The following CACHD1 variants were observed in gnomAD, a reference collection of about 807,000 sequenced individuals.
CACHD1 encodes cache domain containing 1.
In CACHD1, 71 loss-of-function variants were observed where a neutral mutation model predicts 138.7. The ratio of observed to expected loss-of-function variants is 0.51; its 90% CI spans 0.42 to 0.62. The LOEUF (loss-of-function observed/expected upper bound fraction) is 0.62, where lower values mean the gene tolerates loss of function less well. Among genes scored for constraint, CACHD1 ranks in the 20% least tolerant of loss-of-function variants. CACHD1 has a pLI of 0.00. For missense variants in CACHD1, 1,389 were observed against 1,625.3 expected, an observed-to-expected ratio of 0.85 and a Z score of 2.50; for synonymous variants, 578 against 591.5, an observed-to-expected ratio of 0.98 and a Z score of 0.33.
intron 1 of CACHD1, among the ~76,000 whole-genome samples, chr1:64,522,415 C>A (rs1461851432): frequency 6.6e-6 from 1 of 152,000 alleles, no homozygotes; most frequent in African/African-American, 2.4e-5. Context: ...TCAAGCAATT[C>A]TCCTGCCTCA....
intron 7 of CACHD1, among the ~76,000 whole-genome samples, chr1:64,641,079 CT>C (rs1391431346): frequency 6.6e-6 from 1 of 151,494 alleles, no homozygotes; most frequent in Non-Finnish European, 1.5e-5. Flanking sequence ...TCTCTTTTAC[CT>C]TCTTTTTTTA....
chr1:64,684,626 G>C (rs952886708), intron 26 of CACHD1, among the ~76,000 whole-genome samples: 1 of 151,988 alleles, frequency 6.6e-6, no homozygotes, highest in Non-Finnish European at 1.5e-5. Context: ...AAAGAAAAAA[G>C]TTTAATAAAT....
At chr1:64,645,232 TTAGA>T (rs1419358854) in intron 8 of CACHD1, among the ~76,000 whole-genome samples, 4 of 152,150 alleles carry the variant, frequency 2.6e-5, no homozygotes, top group South Asian at 2.1e-4. Context: ...AAAAATATAG[TTAGA>T]TAGAAGGAAT....
intron 26 of CACHD1, among the ~76,000 whole-genome samples, chr1:64,682,566 C>T (rs1305975468): frequency 2.6e-5 from 4 of 152,072 alleles, no homozygotes; most frequent in Non-Finnish European, 5.9e-5. Flanking sequence ...TTGCACTGAG[C>T]CTTGAGGGGG....
At chr1:64,617,817 G>A (rs1352656208) in intron 4 of CACHD1, among the ~76,000 whole-genome samples, 1 of 152,216 alleles carries the variant, frequency 6.6e-6, no homozygotes, top group Non-Finnish European at 1.5e-5. Context: ...AGTGGCTCAT[G>A]CCTGTAATCC....
chr1:64,511,412 A>G (rs1646419787), intron 1 of CACHD1, among the ~76,000 whole-genome samples: 1 of 152,216 alleles, frequency 6.6e-6, no homozygotes, highest in African/African-American at 2.4e-5. Flanking sequence ...AAGAAGTGGA[A>G]GAAAGACCAG....
At chr1:64,568,125 T>A (rs1004340806) in intron 2 of CACHD1, among the ~76,000 whole-genome samples, 3 of 152,222 alleles carry the variant, frequency 2.0e-5, no homozygotes, top group African/African-American at 7.2e-5. Flanking sequence ...TGGTTATAAT[T>A]TGTATCCTCA....
At chr1:64,518,290 CT>C (rs34268687) in intron 1 of CACHD1, among the ~76,000 whole-genome samples, 104,415 of 149,158 alleles carry the variant, frequency 0.7, 40,347 homozygotes, top group Non-Finnish European at 0.85. Context: ...AAATCAATGA[CT>C]TTTTTTTTTT....
chr1:64,676,829 AC>A (rs1650008005), intron 21 of CACHD1, 65 bp from the exon 22 acceptor site: 1 of 1,292,768 alleles, frequency 7.7e-7, no homozygotes, highest in Non-Finnish European at 1.1e-6. Flanking sequence ...GCTGTTAAGG[AC>A]CAGGAGCATG....
chr1:64,534,159 T>G (rs879816770), intron 1 of CACHD1, among the ~76,000 whole-genome samples: 12 of 151,604 alleles, frequency 7.9e-5, no homozygotes, highest in African/African-American at 1.2e-4. Context: ...TTCTTCTGCC[T>G]CAGCCTCTGG....
At chr1:64,676,613 G>A (rs1650001202) in intron 21 of CACHD1, among the ~76,000 whole-genome samples, 1 of 152,108 alleles carries the variant, frequency 6.6e-6, no homozygotes. Context: ...TGGGACTGCA[G>A]GCATGTGATT....
chr1:64,682,675 G>T (rs949064930), intron 26 of CACHD1, among the ~76,000 whole-genome samples: 1 of 152,176 alleles, frequency 6.6e-6, no homozygotes, highest in Non-Finnish European at 1.5e-5. Context: ...TGCTCAGGAA[G>T]GGTCAAGGCC....
chr1:64,573,534 T>A (rs1646942854), intron 2 of CACHD1, among the ~76,000 whole-genome samples: 1 of 152,214 alleles, frequency 6.6e-6, no homozygotes, highest in African/African-American at 2.4e-5. Flanking sequence ...GATAGGGAAC[T>A]GGAGAGGCCC....
At chr1:64,578,906 G>A (rs994486851) in intron 2 of CACHD1, among the ~76,000 whole-genome samples, 3 of 152,176 alleles carry the variant, frequency 2.0e-5, no homozygotes, top group Non-Finnish European at 4.4e-5. Flanking sequence ...GATTTAAGCA[G>A]TGGGGACAGG....
intron 1 of CACHD1, among the ~76,000 whole-genome samples, chr1:64,525,447 A>G (rs1646531166): frequency 6.6e-6 from 1 of 152,176 alleles, no homozygotes; most frequent in African/African-American, 2.4e-5. Context: ...GATGCTCTGA[A>G]AAATCTTATC....
chr1:64,535,544 C>T (rs914241375), intron 1 of CACHD1, among the ~76,000 whole-genome samples: 15 of 152,054 alleles, frequency 9.9e-5, no homozygotes, highest in African/African-American at 3.4e-4. Context: ...AGGGTGGTCT[C>T]GTACTCCTGA....
At chr1:64,575,600 A>G (rs971544548) in intron 2 of CACHD1, among the ~76,000 whole-genome samples, 1 of 152,188 alleles carries the variant, frequency 6.6e-6, no homozygotes, top group African/African-American at 2.4e-5. Flanking sequence ...AGGTTTTTGA[A>G]TGTCAAATGT....
chr1:64,651,506 T>C (rs932410163), intron 9 of CACHD1, among the ~76,000 whole-genome samples: 2 of 152,182 alleles, frequency 1.3e-5, no homozygotes, highest in Admixed American at 1.3e-4. Context: ...AACAGATGTG[T>C]GAGCCAGACA....
At chr1:64,658,143 A>G (rs1268400572) in intron 12 of CACHD1, among the ~76,000 whole-genome samples, 3 of 152,228 alleles carry the variant, frequency 2.0e-5, no homozygotes, top group Non-Finnish European at 2.9e-5. Context: ...TGTGTTTTTC[A>G]TGAGTTTAAG....
Sources: allele counts gnomAD v4.1 joint callset (sites outside exome capture counted in the v4.1 genomes callset), GRCh38; gene constraint gnomAD v4.1.1; transcripts MANE v1.5; gene names NCBI Gene and HGNC (gene_info 2026-07-23, HGNC 2026-07-21).